The following CCNH variants were observed in gnomAD, a reference collection of about 807,000 sequenced individuals.
CCNH encodes cyclin-H.
A neutral mutation model predicts 41.9 loss-of-function variants in CCNH; 31 were observed. The ratio of observed to expected loss-of-function variants is 0.74; its 90% CI spans 0.56 to 1.00. The LOEUF is 1.00. CCNH is among the 50% of genes least tolerant of loss of function. The probability of loss-of-function intolerance (pLI) is 0.00; values close to 1 mark genes in which losing one functional copy is unlikely to be tolerated. For synonymous variants in CCNH, 138 were observed against 136.1 expected, an observed-to-expected ratio of 1.01 and a Z score of -0.10; for missense variants, 362 against 388.4, an observed-to-expected ratio of 0.93 and a Z score of 0.57.
At chr5:87,329,126 T>C (rs889580431) in intron 9 of CCNH, among the ~76,000 whole-genome samples, 10 of 152,100 alleles carry the variant, frequency 6.6e-5, no homozygotes, top group African/African-American at 2.4e-4. Flanking sequence ...TCCATTTTAA[T>C]GCTCAGATCT....
intron 9 of CCNH, among the ~76,000 whole-genome samples, chr5:87,362,991 G>A (rs1416515864): frequency 1.3e-5 from 2 of 150,590 alleles, no homozygotes; most frequent in South Asian, 2.1e-4. Context: ...TTGACATAAC[G>A]ACATTTTGGG....
chr5:87,412,857 G>T lies in CCNH; in HGVS notation c.-63C>A. 1 of 1,586,332 alleles carries T rather than the reference G, an allele frequency of 6.3e-7. No individual in the cohort carries two copies. Among genetic ancestry groups the T allele is most frequent in the Non-Finnish European group, 8.6e-7 (1 of 1,160,820 alleles). Reference sequence around the variant, plus strand: ...AGAACCCAAACGCATCAGCGTCCTGGCGTAAAACACCCGTACCCCCACCGA... The same window carrying T: ...AGAACCCAAACGCATCAGCGTCCTGTCGTAAAACACCCGTACCCCCACCGA... On this transcript the variant is annotated 5_prime_UTR_variant, in exon 1 of 9. Transcript: ENST00000256897.
chr5:87,379,130 T>C (rs912841283), upstream of CCNH, among the ~76,000 whole-genome samples: 1 of 152,206 alleles, frequency 6.6e-6, no homozygotes. Flanking sequence ...TTTTTGACAA[T>C]GGACACTGGG....
chr5:87,371,389 A>G (rs924021186), downstream of CCNH, among the ~76,000 whole-genome samples: 5 of 152,114 alleles, frequency 3.3e-5, no homozygotes, highest in Non-Finnish European at 7.4e-5. Flanking sequence ...CAAACTAAAG[A>G]CATAATTGAA....
intron 9 of CCNH, chr5:87,338,198 G>T (rs1025876283): frequency 1.3e-6 from 2 of 1,528,896 alleles, no homozygotes; most frequent in African/African-American, 1.4e-5. Context: ...TTTTATAAAA[G>T]AACTTAATTG....
At chr5:87,361,815 CT>C (rs1274397317) in intron 9 of CCNH, among the ~76,000 whole-genome samples, 1 of 151,918 alleles carries the variant, frequency 6.6e-6, no homozygotes, top group African/African-American at 2.4e-5. Flanking sequence ...AAGAAAGAAC[CT>C]AATATAAATA....
intron 9 of CCNH, among the ~76,000 whole-genome samples, chr5:87,326,130 C>T (rs1460473876): frequency 6.6e-6 from 1 of 152,192 alleles, no homozygotes; most frequent in East Asian, 1.9e-4. Flanking sequence ...TGCCACCATG[C>T]CTGGCTAATT....
At chr5:87,370,018 C>A in intron 9 of CCNH, 1 of 871,738 alleles carries the variant, frequency 1.1e-6, no homozygotes, top group Non-Finnish European at 1.8e-6. Context: ...GAAATCTAAT[C>A]ATCTCTTATT....
At chr5:87,332,062 T>A (rs571827168) in intron 9 of CCNH, among the ~76,000 whole-genome samples, 6 of 152,126 alleles carry the variant, frequency 3.9e-5, no homozygotes, top group African/African-American at 1.4e-4. Flanking sequence ...GTACCCTTGG[T>A]TTTTAGATTT....
downstream of CCNH, chr5:87,393,786 T>G (rs1478547592): frequency 1.3e-5 from 2 of 152,134 alleles, no homozygotes; most frequent in African/African-American, 4.8e-5. Flanking sequence ...TAGCAAGACC[T>G]TACATCAAAA....
intron 9 of CCNH, among the ~76,000 whole-genome samples, chr5:87,342,172 T>G (rs1429173198): frequency 6.6e-6 from 1 of 151,590 alleles, no homozygotes. Context: ...CTTTTTTTTT[T>G]TTTTTGAGAC....
rs373427847 is a variant in CCNH, at chr5:87,412,830, C to G, written c.-36G>C. On this transcript the variant is annotated 5_prime_UTR_variant, in exon 1 of 9. Transcript: ENST00000256897. ...TGACCAGGTCCAGAGGGTCTGCAGA[C>G]GAGAACCCAAACGCATCAGCGTCCT... 3.1e-6 allele frequency: 5 copies of G among 1,600,808 alleles called. No homozygotes were observed. Among genetic ancestry groups the G allele is most frequent in the Non-Finnish European group, 3.4e-6 (4 of 1,169,460 alleles).
upstream of CCNH, chr5:87,377,187 T>C: frequency 3.9e-6 from 4 of 1,019,568 alleles, no homozygotes; most frequent in South Asian, 2.8e-5. Context: ...AAATTGCAGT[T>C]GGATGTCAGT....
At chr5:87,377,968 C>T (rs1242703122), upstream of CCNH, among the ~76,000 whole-genome samples, 1 of 152,158 alleles carries the variant, frequency 6.6e-6, no homozygotes, top group Non-Finnish European at 1.5e-5. Context: ...ACTCAGTAGA[C>T]ATATTTTAAG....
At chr5:87,373,802 G>C (rs1761123043), downstream of CCNH, among the ~76,000 whole-genome samples, 1 of 152,034 alleles carries the variant, frequency 6.6e-6, no homozygotes, top group South Asian at 2.1e-4. Context: ...TTTAATTTGA[G>C]TAGTGACAGT....
chr5:87,392,465 T>C (rs1019802251), downstream of CCNH: 3 of 409,174 alleles, frequency 7.3e-6, no homozygotes, highest in African/African-American at 2.1e-5. Context: ...CTTGGCTCTT[T>C]TATCAAATTA....
downstream of CCNH, among the ~76,000 whole-genome samples, chr5:87,313,487 T>G (rs1346175475): frequency 6.6e-6 from 1 of 152,200 alleles, no homozygotes; most frequent in Non-Finnish European, 1.5e-5. Context: ...TTATGACTTT[T>G]GAATTTCCAC....
At chr5:87,359,523 A>G (rs1042078059) in intron 9 of CCNH, among the ~76,000 whole-genome samples, 4 of 152,156 alleles carry the variant, frequency 2.6e-5, no homozygotes, top group African/African-American at 9.7e-5. Flanking sequence ...TCCAAGATCT[A>G]TATAAAATCT....
At chr5:87,391,264 GAC>G (rs1250295881), downstream of CCNH, 1 of 385,056 alleles carries the variant, frequency 2.6e-6, no homozygotes, top group Non-Finnish European at 4.8e-6. Context: ...GAAATCAACT[GAC>G]AAGAAACACA....
Sources: allele counts gnomAD v4.1 joint callset (sites outside exome capture counted in the v4.1 genomes callset), GRCh38; gene constraint gnomAD v4.1.1; transcripts MANE v1.5; gene names NCBI Gene and HGNC (gene_info 2026-07-23, HGNC 2026-07-21).